Variants in GLDC observed in about 807,000 individuals in gnomAD.
GLDC encodes the protein glycine dehydrogenase (decarboxylating), mitochondrial.
GLDC carries 104 observed loss-of-function variants against 121.3 expected under a neutral mutation model. The ratio of observed to expected loss-of-function variants is 0.86; its 90% CI spans 0.73 to 1.01. The LOEUF (loss-of-function observed/expected upper bound fraction) is 1.01, where lower values mean the gene tolerates loss of function less well. Among genes scored for constraint, GLDC ranks in the 50% least tolerant of loss-of-function variants. GLDC has a pLI of 0.00. For synonymous variants in GLDC, 546 were observed against 480.6 expected (o/e 1.14, Z -1.78); for missense variants, 1,429 against 1,306.6 (o/e 1.09, Z -1.44).
intron 5 of GLDC, 151 bp from the exon 6 acceptor site, chr9:6,605,429 A>G: frequency 1.4e-6 from 1 of 724,214 alleles, no homozygotes; most frequent in Non-Finnish European, 2.4e-6. Context: ...CAGGCACTTC[A>G]GTGGTAACTA....
intron 16 of GLDC, among the ~76,000 whole-genome samples, chr9:6,558,962 T>G (rs766573210): frequency 3.3e-5 from 5 of 152,208 alleles, no homozygotes; most frequent in Non-Finnish European, 4.4e-5. Context: ...AAAATAGGCC[T>G]GGACTTATTC....
At chr9:6,602,381 T>TC (rs1315321361) in intron 7 of GLDC, among the ~76,000 whole-genome samples, 176 bp from the exon 8 acceptor site, 1 of 152,002 alleles carries the variant, frequency 6.6e-6, no homozygotes, top group East Asian at 1.9e-4. Context: ...TTACTGATTT[T>TC]TTTTTTTTTT....
intron 7 of GLDC, among the ~76,000 whole-genome samples, chr9:6,602,690 G>A (rs545656135): frequency 6.6e-6 from 1 of 152,180 alleles, no homozygotes; most frequent in African/African-American, 2.4e-5. Flanking sequence ...GAGACACCAA[G>A]ATATATACAA....
At chr9:6,590,790 A>T (rs1818360316) in intron 11 of GLDC, among the ~76,000 whole-genome samples, 1 of 152,228 alleles carries the variant, frequency 6.6e-6, no homozygotes, top group African/African-American at 2.4e-5. Flanking sequence ...ATCTGTGATT[A>T]AATTTAGTGC....
chr9:6,582,170 G>A (rs1450579945), intron 15 of GLDC, among the ~76,000 whole-genome samples: 2 of 130,880 alleles, frequency 1.5e-5, no homozygotes, highest in African/African-American at 5.9e-5. Context: ...AGCCAAGATT[G>A]CTCCACTGCA....
intron 7 of GLDC, among the ~76,000 whole-genome samples, chr9:6,604,272 C>T (rs551561965): frequency 1.4e-3 from 207 of 152,280 alleles, no homozygotes; most frequent in Non-Finnish European, 2.5e-3. Context: ...CTTTTGAGAA[C>T]GAAAACTGTC....
intron 2 of GLDC, among the ~76,000 whole-genome samples, 171 bp from the exon 3 acceptor site, chr9:6,620,490 A>C (rs1819069671): frequency 6.6e-6 from 1 of 152,080 alleles, no homozygotes; most frequent in Non-Finnish European, 1.5e-5. Context: ...TCTCAAAAAA[A>C]AAAAAAGTCC....
intron 1 of GLDC, 148 bp downstream of exon 1, chr9:6,645,097 G>C: frequency 1.3e-6 from 1 of 748,868 alleles, no homozygotes; most frequent in East Asian, 2.8e-5. Context: ...CCAAAGGCAC[G>C]AATTTGCTTC....
At chr9:6,598,407 A>G (rs1043881282) in intron 8 of GLDC, among the ~76,000 whole-genome samples, 2 of 152,198 alleles carry the variant, frequency 1.3e-5, no homozygotes, top group Non-Finnish European at 2.9e-5. Flanking sequence ...AAATTTATTT[A>G]AAAAAGAATC....
chr9:6,592,276 G>A, intron 10 of GLDC, 53 bp from the exon 11 acceptor site: 2 of 1,102,402 alleles, frequency 1.8e-6, no homozygotes, highest in Admixed American at 1.7e-5. Context: ...CCACATCACT[G>A]GAGGAATCCC....
intron 15 of GLDC, among the ~76,000 whole-genome samples, chr9:6,569,653 AAAAC>A (rs1475994803): frequency 1.4e-5 from 2 of 146,518 alleles, no homozygotes; most frequent in Non-Finnish European, 1.5e-5. Flanking sequence ...CTCCATCACA[AAAAC>A]AAACAAACAA....
intron 21 of GLDC, among the ~76,000 whole-genome samples, chr9:6,548,856 C>T (rs1817450472): frequency 6.6e-6 from 1 of 151,796 alleles, no homozygotes; most frequent in Non-Finnish European, 1.5e-5. Context: ...GGTATCTTTG[C>T]TCTCCCTTCT....
chr9:6,551,352 G>A (rs1039014300), intron 20 of GLDC, among the ~76,000 whole-genome samples: 2 of 152,130 alleles, frequency 1.3e-5, no homozygotes, highest in African/African-American at 4.8e-5. Context: ...TTTTCCCATT[G>A]TCCCTAGTAG....
At chr9:6,589,426 T>A (rs1297135192) in intron 11 of GLDC, 134 bp from the exon 12 acceptor site, 2 of 368,672 alleles carry the variant, frequency 5.4e-6, no homozygotes, top group Non-Finnish European at 9.5e-6. Context: ...TTTATTTATT[T>A]ATTTATTTAT....
chr9:6,587,955 C>G (rs898123338), intron 14 of GLDC, among the ~76,000 whole-genome samples: 1 of 152,042 alleles, frequency 6.6e-6, no homozygotes, highest in Admixed American at 6.5e-5. Context: ...AGATACTTGC[C>G]AACCACAACA....
In GLDC at chr9:6,611,324, A is replaced by G. The variant is rs144721908; in HGVS notation, c.471-968T>C. 3.8e-3 allele frequency among the ~76,000 whole-genome samples: 586 copies of G among 152,316 alleles called. 4 individuals are homozygous for G. The highest frequency in any genetic ancestry group is 7.4e-3 in the African/African-American group (308 of 41,586). ...CCTCACCTATTTTACTTGGGAGGTC[A>G]AGGCGGGCGGATCACGAGGTCAGGA... On this transcript the variant is annotated intron_variant, in intron 3 of 24. Transcript: ENST00000321612.
chr9:6,588,713 A>C lies in GLDC; in HGVS notation c.1581-11T>G, dbSNP rs764656980. The C allele has an allele frequency of 1.9e-6, 3 of 1,598,450 alleles. No individual in the cohort carries two copies. Among genetic ancestry groups the C allele is most frequent in the African/African-American group, 2.7e-5 (2 of 74,614 alleles). On this transcript the variant is annotated splice_polypyrimidine_tract_variant and intron_variant, in intron 12 of 24. Coordinates refer to ENST00000321612, the MANE Select transcript of GLDC (RefSeq NM_000170.3). ...GTTTCAGAGTGGTAGCTGTGAACAC[A>C]AAACACAGAATTAGGGGCCCCAAAA...
chr9:6,620,069 G>C, intron 3 of GLDC, 115 bp downstream of exon 3: 2 of 978,940 alleles, frequency 2.0e-6, no homozygotes, highest in Non-Finnish European at 3.3e-6. Flanking sequence ...ATTGGAGACA[G>C]CACTAGGAGG....
chr9:6,565,526 C>T lies in GLDC; in HGVS notation c.1851-97G>A, dbSNP rs567465443. ...GGCCCTGGCCAGGGGTTCACCAGCA[C>T]GTGACACATGGTCACTGTCCAGACG... On this transcript the variant is annotated intron_variant, in intron 15 of 24. Coordinates refer to ENST00000321612, the MANE Select transcript of GLDC (RefSeq NM_000170.3). The T allele has an allele frequency of 9.0e-5, 80 of 890,386 alleles. 1 individual carries two copies. The highest frequency in any genetic ancestry group is 4.4e-4 in the South Asian group (33 of 75,820). The allele number at this position is 890,386 out of a possible 1,614,324, so 55.2% of individuals were successfully genotyped here.
Sources: allele counts gnomAD v4.1 joint callset (sites outside exome capture counted in the v4.1 genomes callset), GRCh38; gene constraint gnomAD v4.1.1; transcripts MANE v1.5; gene names NCBI Gene and HGNC (gene_info 2026-07-23, HGNC 2026-07-21).